Variants in GPC6 observed in about 807,000 individuals in gnomAD.
The protein encoded by GPC6 is glypican-6.
In GPC6, 14 loss-of-function variants were observed where a neutral mutation model predicts 55.2. The observed-to-expected ratio is 0.25, with a 90% CI of 0.17 to 0.40. GPC6 has a LOEUF of 0.40. Ranked by LOEUF, GPC6 falls within the 10% of genes least tolerant of loss-of-function variation. The probability of loss-of-function intolerance (pLI) is 1.00; values close to 1 mark genes in which losing one functional copy is unlikely to be tolerated. For missense variants in GPC6, 641 were observed against 708.5 expected (o/e 0.90, Z 1.08); for synonymous variants, 278 against 259.6 (o/e 1.07, Z -0.68).
At chr13:93,275,933 G>A (rs1243905518) in intron 1 of GPC6, among the ~76,000 whole-genome samples, 6 of 152,092 alleles carry the variant, frequency 3.9e-5, no homozygotes, top group African/African-American at 1.2e-4. Flanking sequence ...GGAGTGCGGC[G>A]GCGCGATCTC....
intron 2 of GPC6, among the ~76,000 whole-genome samples, chr13:93,733,607 C>A (rs1334684597): frequency 6.6e-6 from 1 of 151,838 alleles, no homozygotes; most frequent in Non-Finnish European, 1.5e-5. Context: ...AGTCAAGGAT[C>A]TTAGCTGTCC....
chr13:94,333,627 C>G (rs972562076), intron 6 of GPC6, among the ~76,000 whole-genome samples: 2 of 152,218 alleles, frequency 1.3e-5, no homozygotes, highest in African/African-American at 4.8e-5. Context: ...AGTCATCTGT[C>G]TTAATCCCTG....
intron 1 of GPC6, among the ~76,000 whole-genome samples, chr13:93,462,518 C>G (rs1263647493): frequency 6.6e-6 from 1 of 151,618 alleles, no homozygotes; most frequent in Non-Finnish European, 1.5e-5. Context: ...GGTCATTCTT[C>G]CCCATGTTAA....
chr13:94,297,265 T>G (rs1329103268), intron 5 of GPC6, among the ~76,000 whole-genome samples: 1 of 152,160 alleles, frequency 6.6e-6, no homozygotes, highest in Non-Finnish European at 1.5e-5. Flanking sequence ...CCAGCACTTA[T>G]GTTTGTGACA....
chr13:93,324,587 C>CATAT (rs34871661), intron 1 of GPC6, among the ~76,000 whole-genome samples: 4,396 of 122,758 alleles, frequency 0.036, 133 homozygotes, highest in African/African-American at 0.075. Flanking sequence ...CACATACATA[C>CATAT]ATATATATAT....
intron 1 of GPC6, among the ~76,000 whole-genome samples, chr13:93,242,457 C>T (rs527461742): frequency 3.3e-5 from 5 of 152,296 alleles, no homozygotes; most frequent in Admixed American, 3.3e-4. Flanking sequence ...CCCCAGAGGA[C>T]ACACATCCTG....
intron 4 of GPC6, among the ~76,000 whole-genome samples, chr13:94,032,492 A>G (rs1170720159): frequency 6.6e-6 from 1 of 152,220 alleles, no homozygotes; most frequent in Non-Finnish European, 1.5e-5. Flanking sequence ...GCCCTCAGAC[A>G]GTTTGTTTCC....
At chr13:94,381,079 T>C (rs2139206041) in intron 6 of GPC6, among the ~76,000 whole-genome samples, 1 of 152,298 alleles carries the variant, frequency 6.6e-6, no homozygotes, top group Non-Finnish European at 1.5e-5. Context: ...CCTTGCTTCA[T>C]CACTTGATGA....
chr13:94,266,114 CTTG>C (rs1891793059), intron 4 of GPC6, among the ~76,000 whole-genome samples: 1 of 151,144 alleles, frequency 6.6e-6, no homozygotes, highest in South Asian at 2.1e-4. Flanking sequence ...TCCCTGTCTC[CTTG>C]TTTTCTCGTT....
At chr13:94,401,449 T>C (rs2139232008) in intron 8 of GPC6, among the ~76,000 whole-genome samples, 1 of 151,782 alleles carries the variant, frequency 6.6e-6, no homozygotes, top group African/African-American at 2.4e-5. Context: ...CCTTGAGAAG[T>C]GGAAATAGGG....
chr13:93,763,700 A>T (rs1276605009), intron 2 of GPC6, among the ~76,000 whole-genome samples: 2 of 152,200 alleles, frequency 1.3e-5, no homozygotes, highest in African/African-American at 4.8e-5. Flanking sequence ...TGTCAGCAGA[A>T]TTTGTGCACT....
intron 6 of GPC6, among the ~76,000 whole-genome samples, chr13:94,377,999 G>A (rs1456721413): frequency 1.3e-5 from 2 of 152,034 alleles, no homozygotes; most frequent in African/African-American, 4.8e-5. Flanking sequence ...TGAACAATGA[G>A]AACACATGGA....
At position 93,235,906 on chromosome 13, in the gene GPC6, C is replaced by T. The variant is rs146380690; in HGVS notation, c.160+8290C>T. Among the ~76,000 whole-genome samples, 54 of 152,308 alleles carry T rather than the reference C, an allele frequency of 3.5e-4. No homozygotes were observed. In the South Asian group the frequency reaches 3.9e-3, roughly 11 times the overall value. On this transcript the variant is annotated intron_variant, in intron 1 of 8. Transcript: ENST00000377047. ...GTATCAACAGGGTGCCAGGTTCTCTCTGTCTTTTGGCTCTCAGATCCTTGT... is the reference window on the plus strand; with the variant it reads ...GTATCAACAGGGTGCCAGGTTCTCTTTGTCTTTTGGCTCTCAGATCCTTGT...
At chr13:93,967,982 CT>C (rs1245913702) in intron 3 of GPC6, among the ~76,000 whole-genome samples, 2 of 152,068 alleles carry the variant, frequency 1.3e-5, no homozygotes, top group East Asian at 3.9e-4. Context: ...TAAATGTCAC[CT>C]TTTAAGGCCT....
intron 1 of GPC6, among the ~76,000 whole-genome samples, chr13:93,333,322 A>G (rs749142390): frequency 8.5e-5 from 13 of 152,128 alleles, no homozygotes; most frequent in Non-Finnish European, 1.8e-4. Flanking sequence ...TAATTTCTCC[A>G]TTCCATGAAC....
intron 2 of GPC6, among the ~76,000 whole-genome samples, chr13:93,792,943 A>C (rs1374548785): frequency 6.6e-6 from 1 of 152,122 alleles, no homozygotes; most frequent in East Asian, 1.9e-4. Flanking sequence ...CGACCCTGAC[A>C]ATTCAGTTTC....
intron 4 of GPC6, among the ~76,000 whole-genome samples, chr13:94,105,962 G>A (rs1886039453): frequency 6.9e-6 from 1 of 144,978 alleles, no homozygotes. Context: ...ATTGGAAAGG[G>A]TAGCTCCCAC....
At chr13:94,001,318 T>C (rs976067259) in intron 3 of GPC6, among the ~76,000 whole-genome samples, 1 of 152,202 alleles carries the variant, frequency 6.6e-6, no homozygotes, top group African/African-American at 2.4e-5. Flanking sequence ...TTTAATTCAG[T>C]ATCTTACATG....
intron 3 of GPC6, among the ~76,000 whole-genome samples, chr13:93,997,878 G>C (rs185536768): frequency 1.3e-5 from 2 of 152,288 alleles, no homozygotes; most frequent in East Asian, 1.9e-4. Flanking sequence ...GGAAAATCAA[G>C]AGAATCAGCG....
Sources: gnomAD v4.1 joint callset for allele counts (sites outside exome capture counted in the v4.1 genomes callset) on GRCh38, gnomAD v4.1.1 for gene constraint, MANE v1.5 for transcripts, NCBI Gene and HGNC (gene_info 2026-07-23, HGNC 2026-07-21) for gene names.